Variants in UNC13C observed in about 807,000 individuals in gnomAD.
UNC13C encodes the protein unc-13 homolog C, also known as protein unc-13 homolog C.
UNC13C carries 174 observed loss-of-function variants against 245.4 expected under a neutral mutation model. The observed-to-expected ratio is 0.71, with a 90% CI of 0.63 to 0.80. The LOEUF (loss-of-function observed/expected upper bound fraction) is 0.80. UNC13C is among the 30% of genes least tolerant of loss of function. The probability of loss-of-function intolerance (pLI) is 0.00; values close to 1 mark genes in which losing one functional copy is unlikely to be tolerated. For synonymous variants in UNC13C, 992 were observed against 895.1 expected (o/e 1.11, Z -1.93); for missense variants, 2,829 against 2,602.9 (o/e 1.09, Z -1.89).
At chr15:54,492,154 A>G (rs1596472311) in intron 19 of UNC13C, among the ~76,000 whole-genome samples, 2 of 152,340 alleles carry the variant, frequency 1.3e-5, no homozygotes, top group African/African-American at 4.8e-5. Flanking sequence ...AGGTTGCCGT[A>G]TTCCAAACAC....
chr15:54,030,180 AC>A (rs917264820), intron 2 of UNC13C, among the ~76,000 whole-genome samples: 2 of 151,524 alleles, frequency 1.3e-5, no homozygotes, highest in African/African-American at 4.9e-5. Flanking sequence ...CTTCCAAACT[AC>A]CCACCCCCAT....
At chr15:53,906,967 C>A in the UNC13C span, among the ~76,000 whole-genome samples, 2 of 147,556 alleles carry the variant, frequency 1.4e-5, no homozygotes, top group Admixed American at 6.8e-5. Flanking sequence ...GGGGGAACCA[C>A]CCTCATAATC....
chr15:53,854,367 C>A, the UNC13C span, among the ~76,000 whole-genome samples: 1 of 152,032 alleles, frequency 6.6e-6, no homozygotes, highest in Non-Finnish European at 1.5e-5. Context: ...GATCCACCTG[C>A]CTTAGCCTCC....
intron 10 of UNC13C, among the ~76,000 whole-genome samples, chr15:54,273,355 C>T (rs2036740185): frequency 6.6e-6 from 1 of 152,250 alleles, no homozygotes; most frequent in East Asian, 1.9e-4. Flanking sequence ...CCCTATCTCC[C>T]TCCTTTCCCC....
intron 19 of UNC13C, among the ~76,000 whole-genome samples, chr15:54,469,020 T>C (rs1443592653): frequency 6.6e-6 from 1 of 151,604 alleles, no homozygotes; most frequent in Non-Finnish European, 1.5e-5. Flanking sequence ...TATAGATTGA[T>C]TTTAGCACTA....
chr15:54,361,756 C>T (rs1286374189), intron 17 of UNC13C, among the ~76,000 whole-genome samples: 2 of 152,208 alleles, frequency 1.3e-5, no homozygotes, highest in African/African-American at 4.8e-5. Context: ...ACCTCTCTTT[C>T]CTGGTTTGAG....
At chr15:53,954,739 AT>A in the UNC13C span, among the ~76,000 whole-genome samples, 151 of 152,292 alleles carry the variant, frequency 9.9e-4, no homozygotes, top group Non-Finnish European at 1.8e-3. Flanking sequence ...TTCCCTTAAT[AT>A]TTTGGTTCAT....
At chr15:54,413,933 C>T (rs1032459325) in intron 18 of UNC13C, among the ~76,000 whole-genome samples, 1 of 152,188 alleles carries the variant, frequency 6.6e-6, no homozygotes, top group African/African-American at 2.4e-5. Context: ...TCTAGTCTTA[C>T]ATTCTGGCAT....
the UNC13C span, chr15:53,912,108 T>G: frequency 6.6e-6 from 1 of 152,168 alleles, no homozygotes; most frequent in East Asian, 1.9e-4. Flanking sequence ...TACTTGCAGC[T>G]GGGGTTACTA....
At chr15:54,042,237 A>G (rs181563593) in intron 2 of UNC13C, among the ~76,000 whole-genome samples, 1 of 152,228 alleles carries the variant, frequency 6.6e-6, no homozygotes, top group African/African-American at 2.4e-5. Context: ...AATAATTGTC[A>G]GAAAAATCTT....
chr15:53,886,888 C>T, the UNC13C span, among the ~76,000 whole-genome samples: 2 of 152,030 alleles, frequency 1.3e-5, no homozygotes, highest in Admixed American at 1.3e-4. Flanking sequence ...TCAGATAAGT[C>T]GCAATAGGGC....
the UNC13C span, among the ~76,000 whole-genome samples, chr15:53,958,746 C>T: frequency 6.6e-6 from 1 of 152,080 alleles, no homozygotes. Flanking sequence ...ATGTATAATG[C>T]TCTAATCAGG....
chr15:54,001,034 G>A (rs1268938855), intron 1 of UNC13C, among the ~76,000 whole-genome samples: 2 of 152,096 alleles, frequency 1.3e-5, no homozygotes, highest in African/African-American at 4.8e-5. Flanking sequence ...TAATAGATTT[G>A]TATTAAGGAC....
At position 54,456,958 on chromosome 15, in the gene UNC13C, G is replaced by T. The variant is rs114221680; in HGVS notation, c.4934-37650G>T. Among the ~76,000 whole-genome samples, 24 of 152,142 alleles carry T rather than the reference G, an allele frequency of 1.6e-4. No individual in the cohort carries two copies. The East Asian group carries it at 4.3e-3, about 27-fold the overall frequency. On this transcript the variant is annotated intron_variant, in intron 19 of 32. Transcript: ENST00000260323. ...AAGTGGGCATCCTTGTCTAGTTCCA[G>T]TTCTCAGATGGAATGCTTTCAACTT...
chr15:54,048,310 T>C (rs17664627), intron 2 of UNC13C, among the ~76,000 whole-genome samples: 19,952 of 152,224 alleles, frequency 0.13, 1,739 homozygotes, highest in East Asian at 0.33. Flanking sequence ...CTGCAAGTAT[T>C]GTTTATGTTT....
chr15:53,848,988 C>T, the UNC13C span, among the ~76,000 whole-genome samples: 2 of 151,926 alleles, frequency 1.3e-5, no homozygotes, highest in African/African-American at 4.8e-5. Flanking sequence ...CATTATATAA[C>T]TTTTCCCATT....
At chr15:54,081,344 T>G (rs1338343872) in intron 2 of UNC13C, among the ~76,000 whole-genome samples, 1 of 152,134 alleles carries the variant, frequency 6.6e-6, no homozygotes, top group Non-Finnish European at 1.5e-5. Flanking sequence ...AGTTACTTTA[T>G]TAGCTTATGC....
chr15:53,972,997 T>C, the UNC13C span, among the ~76,000 whole-genome samples: 1 of 152,022 alleles, frequency 6.6e-6, no homozygotes, highest in African/African-American at 2.4e-5. Flanking sequence ...GATTATAGTT[T>C]TCATTTTTGT....
chr15:54,362,542 C>T (rs2140867402), intron 17 of UNC13C, among the ~76,000 whole-genome samples: 1 of 152,292 alleles, frequency 6.6e-6, no homozygotes, highest in Non-Finnish European at 1.5e-5. Context: ...TTATATTCCA[C>T]CATCATGCTG....
Sources: allele counts gnomAD v4.1 joint callset (sites outside exome capture counted in the v4.1 genomes callset), GRCh38; gene constraint gnomAD v4.1.1; transcripts MANE v1.5; gene names NCBI Gene and HGNC (gene_info 2026-07-23, HGNC 2026-07-21).